CCDC7: variants seen among roughly 807,000 people sequenced by gnomAD.
CCDC7 encodes the protein coiled-coil domain containing 7, also known as coiled-coil domain-containing protein 7.
In CCDC7, 183 loss-of-function variants were observed where a neutral mutation model predicts 196.9. That is an observed-to-expected ratio of 0.93 (90% CI 0.82 to 1.05). The LOEUF is 1.05. CCDC7 is among the 50% of genes least tolerant of loss of function. CCDC7 has a pLI of 0.00. For synonymous variants in CCDC7, 525 were observed against 484.6 expected, an observed-to-expected ratio of 1.08 and a Z score of -1.10; for missense variants, 1,540 against 1,482.2, an observed-to-expected ratio of 1.04 and a Z score of -0.64.
At chr10:32,803,959 A>G (rs538442365) in intron 29 of CCDC7, among the ~76,000 whole-genome samples, 44 of 152,274 alleles carry the variant, frequency 2.9e-4, no homozygotes, top group African/African-American at 9.9e-4. Context: ...GGTAAATTAT[A>G]TAGTATGATA....
At chr10:32,592,942 T>C (rs566494654) in intron 18 of CCDC7, among the ~76,000 whole-genome samples, 1 of 151,582 alleles carries the variant, frequency 6.6e-6, no homozygotes, top group South Asian at 2.1e-4. Flanking sequence ...CTTAATCCAG[T>C]CTGTCATTGA....
intron 24 of CCDC7, among the ~76,000 whole-genome samples, chr10:32,704,048 T>C (rs1216351046): frequency 6.6e-6 from 1 of 152,186 alleles, no homozygotes; most frequent in Non-Finnish European, 1.5e-5. Context: ...CTTTGTTCCA[T>C]TGCTGGCGAG....
chr10:32,868,265 G>T (rs967923813), intron 41 of CCDC7, among the ~76,000 whole-genome samples: 1 of 151,870 alleles, frequency 6.6e-6, no homozygotes, highest in African/African-American at 2.4e-5. Flanking sequence ...ACTCTTTTGG[G>T]TATATAAATG....
intron 8 of CCDC7, among the ~76,000 whole-genome samples, chr10:32,485,602 G>A (rs1441049710): frequency 2.6e-4 from 39 of 152,030 alleles, no homozygotes. Context: ...GTCCATTTTA[G>A]AGATCTTTCC....
chr10:32,639,434 T>G (rs531863721), intron 20 of CCDC7, among the ~76,000 whole-genome samples: 93 of 152,324 alleles, frequency 6.1e-4, no homozygotes, highest in Middle Eastern at 6.8e-3. Context: ...GTATGTTGTG[T>G]CTTTGTTCTC....
chr10:32,701,245 A>T (rs1187517256), intron 24 of CCDC7, among the ~76,000 whole-genome samples: 2 of 152,134 alleles, frequency 1.3e-5, no homozygotes, highest in African/African-American at 2.4e-5. Flanking sequence ...TACCTAATTT[A>T]TTGAGAGTTT....
intron 22 of CCDC7, 47 bp downstream of exon 23, chr10:32,686,127 A>G (rs1198329798): frequency 1.0e-6 from 1 of 959,338 alleles, no homozygotes; most frequent in Non-Finnish European, 1.5e-6. Context: ...TAAATTAGTC[A>G]CAGCAAAGGT....
chr10:32,831,802 A>G (rs1307227530), intron 32 of CCDC7, among the ~76,000 whole-genome samples: 1 of 152,148 alleles, frequency 6.6e-6, no homozygotes, highest in East Asian at 1.9e-4. Flanking sequence ...GTCCTGAGGG[A>G]CCTGTCTGAG....
At chr10:32,548,419 C>T (rs1299812635) in intron 13 of CCDC7, among the ~76,000 whole-genome samples, 1 of 152,106 alleles carries the variant, frequency 6.6e-6, no homozygotes. Flanking sequence ...CAAGACGTAG[C>T]AGGTGACCAG....
intron 13 of CCDC7, among the ~76,000 whole-genome samples, chr10:32,563,337 G>A (rs1397636154): frequency 6.6e-6 from 1 of 152,120 alleles, no homozygotes; most frequent in African/African-American, 2.4e-5. Flanking sequence ...AGCCCGCATT[G>A]CCAAGTCAAT....
chr10:32,746,586 C>A (rs1345921680), intron 28 of CCDC7, among the ~76,000 whole-genome samples: 3 of 152,172 alleles, frequency 2.0e-5, no homozygotes, highest in Non-Finnish European at 4.4e-5. Flanking sequence ...ATCTTATCTG[C>A]ACACCTCCCT....
intron 8 of CCDC7, among the ~76,000 whole-genome samples, chr10:32,487,136 A>G (rs1270477037): frequency 6.6e-6 from 1 of 152,012 alleles, no homozygotes; most frequent in East Asian, 1.9e-4. Flanking sequence ...CACTAATCAG[A>G]TTTGGTCTTT....
chr10:32,846,399 G>T (rs1565692307), exon 37 of CCDC7: 7 of 1,588,584 alleles, frequency 4.4e-6, no homozygotes, highest in Non-Finnish European at 5.2e-6. Context: ...ACTCTTAAAA[G>T]ATGCTATTGG....
At chr10:32,743,779 C>T (rs2074209171) in intron 28 of CCDC7, among the ~76,000 whole-genome samples, 1 of 151,952 alleles carries the variant, frequency 6.6e-6, no homozygotes, top group Non-Finnish European at 1.5e-5. Flanking sequence ...GAAAATGTGG[C>T]ACATATACAC....
intron 15 of CCDC7, among the ~76,000 whole-genome samples, chr10:32,568,676 A>G (rs1247096941): frequency 8.5e-5 from 13 of 152,316 alleles, no homozygotes; most frequent in African/African-American, 3.1e-4. Context: ...ACAACTTAAA[A>G]TCTGCTAGTC....
chr10:32,756,227 C>G (rs1381154914), intron 28 of CCDC7, among the ~76,000 whole-genome samples: 1 of 152,078 alleles, frequency 6.6e-6, no homozygotes, highest in Non-Finnish European at 1.5e-5. Context: ...GCAAGGCAGG[C>G]CAACATTCAA....
At chr10:32,527,189 G>A (rs1223587404) in intron 11 of CCDC7, among the ~76,000 whole-genome samples, 2 of 152,076 alleles carry the variant, frequency 1.3e-5, no homozygotes, top group African/African-American at 4.8e-5. Flanking sequence ...GCTGTGACAG[G>A]GCAGCGCTGG....
intron 32 of CCDC7, among the ~76,000 whole-genome samples, chr10:32,828,544 AAGAAGAAGAAGAAGAAAG>A (rs1394106816): frequency 2.2e-4 from 32 of 146,634 alleles, no homozygotes; most frequent in Non-Finnish European, 2.8e-4. Flanking sequence ...GAAGAAGAAG[AAGAAGAAGAAGAAGAAAG>A]AAGAAGAAGA....
At position 32,566,868 on chromosome 10, in the gene CCDC7, G is replaced by GATAT. The variant is rs369657625; in HGVS notation, c.1198-790_1198-787dup. Among the ~76,000 whole-genome samples the GATAT allele has an allele frequency of 1.5e-3, 220 of 142,852 alleles. 1 individual carries two copies. Among genetic ancestry groups the GATAT allele is most frequent in the African/African-American group, 5.3e-3 (206 of 38,816 alleles). The allele number at this position is 142,852 out of a possible 152,430, so 93.7% of individuals were successfully genotyped here. ...CTAGAGGTTGCAAAAAAACCCCGCA[G>GATAT]ATATATATATATATAGCTAATATAT... On this transcript the variant is annotated intron_variant, in intron 14 of 41. Transcript: ENST00000639629.
Sources: allele counts gnomAD v4.1 joint callset (sites outside exome capture counted in the v4.1 genomes callset), GRCh38; gene constraint gnomAD v4.1.1; transcripts MANE v1.5; gene names NCBI Gene and HGNC (gene_info 2026-07-23, HGNC 2026-07-21).